Variants in CREB5 observed in about 807,000 individuals in gnomAD.
CREB5 encodes the protein cyclic AMP-responsive element-binding protein 5.
A neutral mutation model predicts 57.1 loss-of-function variants in CREB5; 19 were observed. That is an observed-to-expected ratio of 0.33 (90% CI 0.23 to 0.49). The LOEUF (loss-of-function observed/expected upper bound fraction) is 0.49. CREB5 is among the 20% of genes least tolerant of loss of function. CREB5 has a pLI of 0.99. For synonymous variants in CREB5, 238 were observed against 238.3 expected (o/e 1.00, Z 0.01); for missense variants, 579 against 671.6 (o/e 0.86, Z 1.52).
intron 1 of CREB5, among the ~76,000 whole-genome samples, chr7:28,354,666 C>T (rs1280082616): frequency 6.6e-6 from 1 of 152,204 alleles, no homozygotes; most frequent in African/African-American, 2.4e-5. Context: ...CTCCCTGTGC[C>T]AGACTCTGTT....
chr7:28,505,871 A>G (rs1443611590), intron 3 of CREB5, among the ~76,000 whole-genome samples: 1 of 152,254 alleles, frequency 6.6e-6, no homozygotes, highest in Admixed American at 6.5e-5. Context: ...CAATAGTTAT[A>G]TGTGTATATT....
chr7:28,753,712 A>G (rs1298412118), intron 7 of CREB5, among the ~76,000 whole-genome samples: 1 of 152,230 alleles, frequency 6.6e-6, no homozygotes, highest in Non-Finnish European at 1.5e-5. Context: ...ATTCACACAC[A>G]TATTTATAGA....
chr7:28,679,957 G>A (rs753994459), intron 5 of CREB5, among the ~76,000 whole-genome samples: 8 of 152,130 alleles, frequency 5.3e-5, no homozygotes, highest in Non-Finnish European at 7.4e-5. Context: ...AGCCAGGCAG[G>A]CCCAGAGCTT....
intron 4 of CREB5, among the ~76,000 whole-genome samples, chr7:28,538,504 C>A (rs988719120): frequency 6.6e-6 from 1 of 151,998 alleles, no homozygotes; most frequent in Non-Finnish European, 1.5e-5. Flanking sequence ...TCTTTCACGA[C>A]GTTGCTAGGG....
chr7:28,605,874 G>C (rs1583406411), intron 5 of CREB5, among the ~76,000 whole-genome samples: 1 of 152,284 alleles, frequency 6.6e-6, no homozygotes, highest in Middle Eastern at 3.4e-3. Context: ...CCTGGGAAGG[G>C]GGACTGGCTG....
chr7:28,498,863 G>T (rs1305966959), intron 3 of CREB5, among the ~76,000 whole-genome samples: 1 of 152,154 alleles, frequency 6.6e-6, no homozygotes, highest in Non-Finnish European at 1.5e-5. Context: ...ACTCTCTTCA[G>T]CTGTTCTCAT....
rs796910262 is a variant in CREB5 at position 28,306,546 on chromosome 7, G to GTTTTTT, written c.-25+7108_-25+7113dup. 9.6e-4 allele frequency among the ~76,000 whole-genome samples: 90 copies of GTTTTTT among 93,514 alleles called. 2 individuals carry two copies. Among genetic ancestry groups the GTTTTTT allele is most frequent in the African/African-American group, 1.7e-3 (35 of 20,046 alleles). 61.3% of individuals were successfully genotyped at this position (93,514 alleles called of 152,430 possible). ...TGCCAGTACATACAGATACAGTTTT[G>GTTTTTT]TTTTTTTTGTTTTTTTTTTTTTTTT... On this transcript the variant is annotated intron_variant, in intron 1 of 9. Transcript: ENST00000396299.
intron 5 of CREB5, among the ~76,000 whole-genome samples, chr7:28,714,064 C>T (rs1194726515): frequency 6.7e-6 from 1 of 149,858 alleles, no homozygotes; most frequent in Non-Finnish European, 1.5e-5. Context: ...CTGCCACCTC[C>T]ACCTCCTGCG....
At chr7:28,651,236 G>T (rs1799118478) in intron 5 of CREB5, among the ~76,000 whole-genome samples, 2 of 152,226 alleles carry the variant, frequency 1.3e-5, no homozygotes, top group Non-Finnish European at 2.9e-5. Context: ...GGCCAATATA[G>T]AAGAATACTA....
intron 1 of CREB5, among the ~76,000 whole-genome samples, chr7:28,327,474 G>T (rs1341822274): frequency 6.6e-6 from 1 of 152,102 alleles, no homozygotes; most frequent in South Asian, 2.1e-4. Context: ...CACATAGAAG[G>T]TGTTTGATAA....
At chr7:28,724,411 T>C (rs769817230) in intron 7 of CREB5, 79 bp downstream of exon 7, 1 of 1,205,368 alleles carries the variant, frequency 8.3e-7, no homozygotes. Context: ...AAAACCTTAG[T>C]TCAGCTAGGT....
chr7:28,378,390 T>C (rs888301081), intron 1 of CREB5, among the ~76,000 whole-genome samples: 2 of 152,132 alleles, frequency 1.3e-5, no homozygotes, highest in African/African-American at 4.8e-5. Flanking sequence ...CATGTATACA[T>C]ATGTAACAAA....
chr7:28,613,069 C>A (rs530237951), intron 5 of CREB5, among the ~76,000 whole-genome samples: 3 of 152,076 alleles, frequency 2.0e-5, no homozygotes, highest in Non-Finnish European at 4.4e-5. Context: ...ATGTCCTAAT[C>A]GATAAACGTG....
intron 5 of CREB5, chr7:28,686,048 C>G (rs1315081748): frequency 4.4e-6 from 6 of 1,362,236 alleles, no homozygotes; most frequent in Non-Finnish European, 5.2e-6. Flanking sequence ...AGGGCCAGCA[C>G]ATTACATCAT....
At chr7:28,405,181 A>C (rs1315221362) in intron 1 of CREB5, among the ~76,000 whole-genome samples, 2 of 152,230 alleles carry the variant, frequency 1.3e-5, no homozygotes, top group Non-Finnish European at 2.9e-5. Flanking sequence ...CCTGGTGAAG[A>C]CCCATTTTAG....
At chr7:28,522,566 TTTTG>T (rs1220844942) in intron 4 of CREB5, among the ~76,000 whole-genome samples, 3 of 151,894 alleles carry the variant, frequency 2.0e-5, no homozygotes, top group Non-Finnish European at 4.4e-5. Context: ...CGGCTAATTT[TTTTG>T]TATTTTTAGT....
Position 28,809,292 on chromosome 7 carries a change from C to A in CREB5, c.1132C>A (p.Arg378=), listed in dbSNP as rs1179251071. The A allele has an allele frequency of 6.2e-7, 1 of 1,614,146 alleles. No individual in the cohort carries two copies. Among genetic ancestry groups the A allele is most frequent in the Admixed American group, 1.7e-5 (1 of 60,024 alleles). Residue 378 remains arginine, a synonymous_variant, in exon 9 of 11, where the codon CGG becomes AGG. Transcript: ENST00000357727. ...GGTAGACGAGGATCCGGACGAGAGGCGGCGGAAATTTCTGGAACGGAACCG... is the reference window on the plus strand; with the variant it reads ...GGTAGACGAGGATCCGGACGAGAGGAGGCGGAAATTTCTGGAACGGAACCG... ...RVVDEDPDER[R]RKFLERNRAA...
chr7:28,560,262 G>A (rs779777145), intron 4 of CREB5, among the ~76,000 whole-genome samples: 1 of 152,140 alleles, frequency 6.6e-6, no homozygotes, highest in Non-Finnish European at 1.5e-5. Context: ...TACAGGCAAA[G>A]GTATGAAGGT....
intron 1 of CREB5, among the ~76,000 whole-genome samples, chr7:28,368,343 A>G (rs562001945): frequency 1.2e-4 from 19 of 152,184 alleles, no homozygotes; most frequent in Non-Finnish European, 2.4e-4. Context: ...CAATTCATCC[A>G]TGTAACCAAA....
Sources: gnomAD v4.1 joint callset for allele counts (sites outside exome capture counted in the v4.1 genomes callset) on GRCh38, gnomAD v4.1.1 for gene constraint, MANE v1.5 for transcripts, NCBI Gene and HGNC (gene_info 2026-07-23, HGNC 2026-07-21) for gene names.